Variants in CLEC16A observed in about 807,000 individuals in gnomAD.
CLEC16A encodes the protein protein CLEC16A.
A neutral mutation model predicts 109.5 loss-of-function variants in CLEC16A; 51 were observed. The ratio of observed to expected loss-of-function variants is 0.47; its 90% CI spans 0.37 to 0.59. The LOEUF is 0.59. Ranked by LOEUF, CLEC16A falls within the 20% of genes least tolerant of loss-of-function variation. CLEC16A has a pLI of 0.00. For missense variants in CLEC16A, 1,339 were observed against 1,394.0 expected (o/e 0.96, Z 0.63); for synonymous variants, 673 against 564.2 (o/e 1.19, Z -2.73).
chr16:11,136,880 G>T (rs979953553), intron 22 of CLEC16A, among the ~76,000 whole-genome samples: 1 of 152,216 alleles, frequency 6.6e-6, no homozygotes, highest in African/African-American at 2.4e-5. Context: ...CCTCACAACA[G>T]CTCTGGGAAG....
chr16:10,948,346 A>G (rs1259202189), intron 1 of CLEC16A, among the ~76,000 whole-genome samples: 1 of 152,242 alleles, frequency 6.6e-6, no homozygotes, highest in East Asian at 1.9e-4. Flanking sequence ...TACTTTTGCT[A>G]AATGGTAGAA....
intron 1 of CLEC16A, among the ~76,000 whole-genome samples, chr16:10,948,892 T>G (rs1464843568): frequency 6.6e-6 from 1 of 152,176 alleles, no homozygotes; most frequent in Non-Finnish European, 1.5e-5. Flanking sequence ...AAAGAGAGCT[T>G]CTTTTCTCAA....
At chr16:10,945,477 G>A (rs1596679105) in intron 1 of CLEC16A, among the ~76,000 whole-genome samples, 1 of 152,180 alleles carries the variant, frequency 6.6e-6, no homozygotes, top group South Asian at 2.1e-4. Context: ...TACAGCTCTG[G>A]GGGAGGACAG....
At chr16:10,991,604 A>C (rs1391834914) in intron 10 of CLEC16A, among the ~76,000 whole-genome samples, 1 of 152,138 alleles carries the variant, frequency 6.6e-6, no homozygotes, top group Non-Finnish European at 1.5e-5. Flanking sequence ...AGGACTCAGG[A>C]GTTGCTGTGG....
chr16:10,967,712 A>T (rs1190763789), intron 3 of CLEC16A, among the ~76,000 whole-genome samples: 1 of 152,054 alleles, frequency 6.6e-6, no homozygotes, highest in Non-Finnish European at 1.5e-5. Flanking sequence ...TCTTACCACT[A>T]CTTCATGAGG....
chr16:11,113,914 G>A (rs1251455162), intron 19 of CLEC16A, among the ~76,000 whole-genome samples: 1 of 152,168 alleles, frequency 6.6e-6, no homozygotes, highest in African/African-American at 2.4e-5. Flanking sequence ...CAATTGCTAG[G>A]TCATAGAATG....
chr16:11,016,576 T>C (rs925722796), intron 11 of CLEC16A, among the ~76,000 whole-genome samples: 1 of 152,112 alleles, frequency 6.6e-6, no homozygotes, highest in Admixed American at 6.5e-5. Context: ...CCTCAAGGGA[T>C]CCTCTTGCCT....
At chr16:11,033,428 A>G (rs2046856782) in intron 13 of CLEC16A, among the ~76,000 whole-genome samples, 1 of 152,168 alleles carries the variant, frequency 6.6e-6, no homozygotes, top group African/African-American at 2.4e-5. Context: ...GGAAAAGTTC[A>G]AGTCCGGTGC....
At chr16:11,169,427 C>T (rs999952052) in intron 23 of CLEC16A, among the ~76,000 whole-genome samples, 4 of 152,182 alleles carry the variant, frequency 2.6e-5, no homozygotes, top group African/African-American at 4.8e-5. Flanking sequence ...GCTGGGATTA[C>T]AGGTGCGCAC....
At chr16:10,982,806 C>T in intron 9 of CLEC16A, 72 bp from the exon 10 acceptor site, 2 of 872,152 alleles carry the variant, frequency 2.3e-6, no homozygotes, top group Non-Finnish European at 3.8e-6. Flanking sequence ...CTGGTCGCTT[C>T]TGATCCAGGA....
At chr16:11,016,477 T>G (rs923557347) in intron 11 of CLEC16A, among the ~76,000 whole-genome samples, 1 of 151,592 alleles carries the variant, frequency 6.6e-6, no homozygotes, top group East Asian at 1.9e-4. Context: ...GCCTCCCCAG[T>G]AGTTGGGATT....
chr16:11,126,437 T>C lies in CLEC16A; in HGVS notation c.2641+291T>C, dbSNP rs2052826030. On this transcript the variant is annotated intron_variant, in intron 22 of 23. Coordinates refer to ENST00000409790, the MANE Select transcript of CLEC16A (RefSeq NM_015226.3). ...TTTCTTGGAAATTTCTTGGAAACAT[T>C]TAAATGATTAGTGCTGAAGTTGTGG... is the stretch of plus-strand genomic sequence containing the variant. The C allele has an allele frequency of 2.2e-6, 3 of 1,355,568 alleles. No homozygotes were observed. In the South Asian group the frequency reaches 4.7e-5, roughly 21 times the overall value. The allele number at this position is 1,355,568 out of a possible 1,614,324, so 84.0% of individuals were successfully genotyped here.
intron 19 of CLEC16A, among the ~76,000 whole-genome samples, chr16:11,066,957 A>G (rs1273228138): frequency 6.6e-6 from 1 of 152,144 alleles, no homozygotes; most frequent in South Asian, 2.1e-4. Flanking sequence ...CGGATCGCCA[A>G]CTTTTGTTTG....
chr16:10,980,198 C>T (rs1456190218), intron 9 of CLEC16A, among the ~76,000 whole-genome samples: 1 of 152,078 alleles, frequency 6.6e-6, no homozygotes, highest in Non-Finnish European at 1.5e-5. Context: ...TCTTTTTGGC[C>T]CAAGAGGAGA....
At chr16:11,128,008 G>A (rs374613719) in intron 22 of CLEC16A, among the ~76,000 whole-genome samples, 2 of 152,186 alleles carry the variant, frequency 1.3e-5, no homozygotes, top group Admixed American at 6.5e-5. Flanking sequence ...AGGTTGCTTC[G>A]TGTTCTGTGG....
intron 14 of CLEC16A, 101 bp downstream of exon 14, chr16:11,039,977 G>T (rs2047232048): frequency 1.4e-6 from 2 of 1,416,668 alleles, no homozygotes; most frequent in Admixed American, 2.6e-5. Flanking sequence ...AGCCTTCTGA[G>T]AATCCGGGCC....
rs1482388025 is a variant in CLEC16A, at chr16:11,061,003, T to A, written c.2097T>A (p.Thr699=). Residue 699 remains threonine (T), a synonymous_variant, in exon 19 of 24, where the codon ACT becomes ACA. Transcript: ENST00000409790. ...PLTREEDLIK[T]DDVLDLNNSD... ...CTCGGGAGGAGGACCTGATCAAGAC[T>A]GATGATGTCCTGGATCTGAGTGAGT... 6.2e-7 allele frequency: 1 copy of A among 1,609,932 alleles called. No homozygotes were observed. The highest frequency in any genetic ancestry group is 8.5e-7 in the Non-Finnish European group (1 of 1,178,730).
chr16:10,970,646 C>G (rs1404454408), intron 4 of CLEC16A, among the ~76,000 whole-genome samples: 1 of 152,204 alleles, frequency 6.6e-6, no homozygotes, highest in Admixed American at 6.5e-5. Flanking sequence ...TCAAGCAATC[C>G]CCCCTCCTTG....
chr16:11,023,852 G>T (rs528699632), intron 12 of CLEC16A, among the ~76,000 whole-genome samples: 148 of 152,314 alleles, frequency 9.7e-4, no homozygotes, highest in African/African-American at 3.4e-3. Context: ...GCATTCAGAG[G>T]GGGCAGCCAC....
Sources: gnomAD v4.1 joint callset for allele counts (sites outside exome capture counted in the v4.1 genomes callset) on GRCh38, gnomAD v4.1.1 for gene constraint, MANE v1.5 for transcripts, NCBI Gene and HGNC (gene_info 2026-07-23, HGNC 2026-07-21) for gene names.